The following HPSE2 variants were observed in gnomAD, a reference collection of about 807,000 sequenced individuals.
The protein encoded by HPSE2 is inactive heparanase-2.
A neutral mutation model predicts 60.5 loss-of-function variants in HPSE2; 38 were observed. The observed-to-expected ratio is 0.63, with a 90% CI of 0.48 to 0.82. HPSE2 has a LOEUF of 0.82. HPSE2 is among the 40% of genes least tolerant of loss of function. The probability of loss-of-function intolerance (pLI) is 0.00; values close to 1 mark genes in which losing one functional copy is unlikely to be tolerated. For synonymous variants in HPSE2, 295 were observed against 293.2 expected, an observed-to-expected ratio of 1.01 and a Z score of -0.06; for missense variants, 713 against 740.4, an observed-to-expected ratio of 0.96 and a Z score of 0.43.
At chr10:98,549,988 A>G (rs1283044572) in intron 9 of HPSE2, among the ~76,000 whole-genome samples, 1 of 152,168 alleles carries the variant, frequency 6.6e-6, no homozygotes, top group Non-Finnish European at 1.5e-5. Flanking sequence ...AGTATTTCCA[A>G]CTCAATCGGG....
chr10:99,244,053 T>C, the HPSE2 span, among the ~76,000 whole-genome samples: 5 of 152,130 alleles, frequency 3.3e-5, no homozygotes, highest in Non-Finnish European at 7.4e-5. Context: ...ACGACTGTAT[T>C]TTCTCTTTTT....
intron 3 of HPSE2, among the ~76,000 whole-genome samples, chr10:98,898,276 T>A (rs577010710): frequency 6.6e-6 from 1 of 152,266 alleles, no homozygotes; most frequent in East Asian, 1.9e-4. Context: ...AAACCCTACA[T>A]GTGAATGTTA....
At chr10:98,789,404 AAG>A (rs1004688807) in intron 3 of HPSE2, among the ~76,000 whole-genome samples, 1 of 152,196 alleles carries the variant, frequency 6.6e-6, no homozygotes, top group African/African-American at 2.4e-5. Flanking sequence ...AATCCTGAGT[AAG>A]AGTCTGGGTG....
chr10:98,801,654 C>G lies in HPSE2; in HGVS notation c.611-57598G>C, dbSNP rs994222713. Among the ~76,000 whole-genome samples the G allele has an allele frequency of 2.0e-5, 3 of 151,746 alleles. No individual in the cohort carries two copies. The East Asian group carries it at 5.8e-4, about 29-fold the overall frequency. On this transcript the variant is annotated intron_variant, in intron 3 of 11. Transcript: ENST00000370552. Reference sequence around the variant, plus strand: ...ATTTCAAATAAGTGAAATATCTCTACAATAAAAACTATAAAACACTGATGA... The same window carrying G: ...ATTTCAAATAAGTGAAATATCTCTAGAATAAAAACTATAAAACACTGATGA...
intron 2 of HPSE2, among the ~76,000 whole-genome samples, chr10:99,204,881 A>G (rs1360459092): frequency 6.6e-6 from 1 of 152,250 alleles, no homozygotes; most frequent in Non-Finnish European, 1.5e-5. Flanking sequence ...ATATATGCAA[A>G]TCTTTATGAG....
chr10:98,642,422 G>A (rs1173982307), intron 6 of HPSE2, among the ~76,000 whole-genome samples: 2 of 152,142 alleles, frequency 1.3e-5, no homozygotes. Context: ...TTAGTGTAGT[G>A]AGTGAGTCTC....
chr10:98,491,650 C>T (rs1422124382), intron 9 of HPSE2, among the ~76,000 whole-genome samples: 3 of 152,114 alleles, frequency 2.0e-5, no homozygotes, highest in Non-Finnish European at 4.4e-5. Context: ...CTCAGTAGCT[C>T]CTCTGATATA....
chr10:99,133,553 A>G (rs1431376988), intron 3 of HPSE2, among the ~76,000 whole-genome samples: 60 of 152,150 alleles, frequency 3.9e-4, no homozygotes, highest in Non-Finnish European at 5.9e-5. Context: ...TCAGACAGCA[A>G]TCTTTGCTGT....
chr10:98,920,898 T>A (rs1162065447), intron 3 of HPSE2, among the ~76,000 whole-genome samples: 1 of 152,192 alleles, frequency 6.6e-6, no homozygotes, highest in Non-Finnish European at 1.5e-5. Context: ...CTCAGGAGAA[T>A]TTGCCTTTCC....
At chr10:99,146,309 T>C (rs1846050409) in intron 2 of HPSE2, among the ~76,000 whole-genome samples, 1 of 152,186 alleles carries the variant, frequency 6.6e-6, no homozygotes. Flanking sequence ...GCTTCATCTA[T>C]TATAGAGACT....
At chr10:98,792,890 A>C (rs775585106) in intron 3 of HPSE2, among the ~76,000 whole-genome samples, 7 of 152,362 alleles carry the variant, frequency 4.6e-5, no homozygotes, top group African/African-American at 1.7e-4. Context: ...GGTCAGAAGA[A>C]GATGAAATGA....
chr10:98,917,531 T>C (rs1954154659), intron 3 of HPSE2, among the ~76,000 whole-genome samples: 1 of 152,240 alleles, frequency 6.6e-6, no homozygotes, highest in Non-Finnish European at 1.5e-5. Flanking sequence ...ATCCTAGCTC[T>C]ACAACTTAAC....
chr10:99,049,873 A>G (rs966424382), intron 3 of HPSE2, among the ~76,000 whole-genome samples: 13 of 152,222 alleles, frequency 8.5e-5, no homozygotes, highest in Admixed American at 7.9e-4. Context: ...CCCAGAATAT[A>G]TAATGAACTC....
chr10:99,162,045 A>AT (rs1459370799), intron 2 of HPSE2, among the ~76,000 whole-genome samples: 1 of 152,152 alleles, frequency 6.6e-6, no homozygotes, highest in Non-Finnish European at 1.5e-5. Context: ...ATGAAGAGTT[A>AT]TTTTTTAATA....
At chr10:99,015,269 A>G (rs1166565643) in intron 3 of HPSE2, among the ~76,000 whole-genome samples, 2 of 152,146 alleles carry the variant, frequency 1.3e-5, no homozygotes, top group Non-Finnish European at 2.9e-5. Flanking sequence ...GCGATTCCTC[A>G]GGGATCTAGA....
At chr10:99,276,159 A>T in the HPSE2 span, among the ~76,000 whole-genome samples, 3 of 152,222 alleles carry the variant, frequency 2.0e-5, no homozygotes, top group Admixed American at 6.5e-5. Flanking sequence ...TAATTTTTGA[A>T]TTATTACATA....
chr10:99,274,686 G>A, the HPSE2 span, among the ~76,000 whole-genome samples: 1 of 152,300 alleles, frequency 6.6e-6, no homozygotes, highest in East Asian at 1.9e-4. Context: ...GCAGCTGGAA[G>A]CTTTCAGAAC....
rs1589797935 is a variant in HPSE2, at chr10:98,770,070, C to T, written c.611-26014G>A. Among the ~76,000 whole-genome samples, 3 of 152,152 alleles carry T rather than the reference C, an allele frequency of 2.0e-5. No homozygotes were observed. The East Asian group carries it at 5.8e-4, about 29-fold the overall frequency. Reference sequence around the variant, plus strand: ...AGGGCACGCACTTGGTGACATATCTCAAAGTTCCCAGAAATAGTCCAAGTG... The same window carrying T: ...AGGGCACGCACTTGGTGACATATCTTAAAGTTCCCAGAAATAGTCCAAGTG... On this transcript the variant is annotated intron_variant, in intron 3 of 11. Coordinates refer to ENST00000370552, the MANE Select transcript of HPSE2 (RefSeq NM_021828.5).
intron 7 of HPSE2, among the ~76,000 whole-genome samples, chr10:98,626,857 T>A (rs1473142310): frequency 1.3e-5 from 2 of 151,956 alleles, no homozygotes; most frequent in African/African-American, 4.8e-5. Flanking sequence ...ACTTGCAAGC[T>A]CCCCCTCCTG....
Sources: gnomAD v4.1 joint callset for allele counts (sites outside exome capture counted in the v4.1 genomes callset) on GRCh38, gnomAD v4.1.1 for gene constraint, MANE v1.5 for transcripts, NCBI Gene and HGNC (gene_info 2026-07-23, HGNC 2026-07-21) for gene names.